The following JARID2 variants were observed in gnomAD, a reference collection of about 807,000 sequenced individuals.
The protein encoded by JARID2 is jumonji and AT-rich interaction domain containing 2.
In JARID2, 21 loss-of-function variants were observed where a neutral mutation model predicts 125.6. The ratio of observed to expected loss-of-function variants is 0.17; its 90% confidence interval spans 0.12 to 0.24. The LOEUF is 0.24. JARID2 is among the 10% of genes least tolerant of loss of function. The probability of loss-of-function intolerance (pLI) is 1.00; values close to 1 mark genes in which losing one functional copy is unlikely to be tolerated. For missense variants in JARID2, 1,303 were observed against 1,639.6 expected (o/e 0.79, Z 3.55); for synonymous variants, 736 against 661.6 (o/e 1.11, Z -1.73).
intron 1 of JARID2, among the ~76,000 whole-genome samples, chr6:15,341,008 T>C (rs1763053271): frequency 6.6e-6 from 1 of 152,302 alleles, no homozygotes; most frequent in East Asian, 1.9e-4. Context: ...AGGACAGTTA[T>C]CTCTTTTAAA....
chr6:15,470,915 A>C (rs1769046108), intron 5 of JARID2, among the ~76,000 whole-genome samples: 1 of 152,232 alleles, frequency 6.6e-6, no homozygotes, highest in African/African-American at 2.4e-5. Context: ...GGGCACGAGA[A>C]AGAATTCTAA....
chr6:15,322,247 G>GT (rs1417366050), intron 1 of JARID2, among the ~76,000 whole-genome samples: 1 of 152,214 alleles, frequency 6.6e-6, no homozygotes, highest in Non-Finnish European at 1.5e-5. Flanking sequence ...TCAAGGAGCA[G>GT]TAAGAGTGAG....
At chr6:15,494,433 T>TTTTTTTG (rs1554144113) in intron 6 of JARID2, among the ~76,000 whole-genome samples, 1 of 147,398 alleles carries the variant, frequency 6.8e-6, no homozygotes, top group African/African-American at 2.5e-5. Flanking sequence ...TTTTTTTTTT[T>TTTTTTTG]GAGACAAGAG....
chr6:15,470,430 CTT>C (rs2127682121), intron 5 of JARID2, among the ~76,000 whole-genome samples: 1 of 152,308 alleles, frequency 6.6e-6, no homozygotes, highest in Admixed American at 6.5e-5. Context: ...TACCATTTGC[CTT>C]TCTGGATTCA....
At chr6:15,381,607 A>T (rs1764591629) in intron 2 of JARID2, among the ~76,000 whole-genome samples, 1 of 152,218 alleles carries the variant, frequency 6.6e-6, no homozygotes, top group Admixed American at 6.5e-5. Flanking sequence ...TTTACAAAGG[A>T]AGCTACATTT....
At chr6:15,448,980 A>C (rs536569540) in intron 3 of JARID2, among the ~76,000 whole-genome samples, 1 of 152,086 alleles carries the variant, frequency 6.6e-6, no homozygotes, top group Non-Finnish European at 1.5e-5. Flanking sequence ...TAAAAAAAAA[A>C]AGACATTTGT....
rs975207322 is a variant in JARID2, at chr6:15,372,495, G to T, written c.46-1622G>T. Among the ~76,000 whole-genome samples, 6 of 152,094 alleles carry T rather than the reference G, an allele frequency of 3.9e-5. No individual in the cohort carries two copies. The East Asian group carries it at 1.2e-3, about 29-fold the overall frequency. Reference sequence around the variant, plus strand: ...ATGCCTCAGCCTCCCCAGTAGCTGGGACTACAGGCGTGCACCACCACGCTC... The same window carrying T: ...ATGCCTCAGCCTCCCCAGTAGCTGGTACTACAGGCGTGCACCACCACGCTC... On this transcript the variant is annotated intron_variant, in intron 1 of 17. Transcript: ENST00000341776.
At chr6:15,293,578 TC>T (rs1362019711) in intron 1 of JARID2, among the ~76,000 whole-genome samples, 1 of 152,232 alleles carries the variant, frequency 6.6e-6, no homozygotes, top group Non-Finnish European at 1.5e-5. Context: ...AGAAGGTTGT[TC>T]CTAGCCAGGG....
At chr6:15,337,717 T>G (rs1052291267) in intron 1 of JARID2, among the ~76,000 whole-genome samples, 2 of 152,134 alleles carry the variant, frequency 1.3e-5, no homozygotes, top group African/African-American at 4.8e-5. Context: ...CTCTCTTTTT[T>G]TCCTTTTCTG....
intron 1 of JARID2, among the ~76,000 whole-genome samples, chr6:15,258,675 G>C (rs1356938575): frequency 6.6e-6 from 1 of 152,162 alleles, no homozygotes; most frequent in Non-Finnish European, 1.5e-5. Context: ...CCAGCTACTT[G>C]GGAGGCTGAG....
chr6:15,444,555 G>A (rs1038869951), intron 3 of JARID2, among the ~76,000 whole-genome samples: 3 of 151,980 alleles, frequency 2.0e-5, no homozygotes, highest in South Asian at 2.1e-4. Context: ...GGTTTGTAGT[G>A]TGTGTGTCTG....
At chr6:15,357,690 T>A (rs1188830985) in intron 1 of JARID2, among the ~76,000 whole-genome samples, 1 of 152,144 alleles carries the variant, frequency 6.6e-6, no homozygotes, top group Non-Finnish European at 1.5e-5. Flanking sequence ...AAATAAGAAA[T>A]CTTTTCTCAA....
At position 15,504,644 on chromosome 6, in the gene JARID2, C is replaced by T. The variant is rs56186721; in HGVS notation, c.2541+52C>T. 0.036 allele frequency: 44,078 copies of T among 1,215,902 alleles called. 1,027 individuals are homozygous for T. Among genetic ancestry groups the T allele is most frequent in the South Asian group, 0.05 (4,141 of 82,600 alleles). 75.3% of individuals were successfully genotyped at this position (1,215,902 alleles called of 1,614,324 possible). A position where few individuals can be genotyped will look rare whatever the true frequency, so the allele number is the denominator to read the frequency against. On this transcript the variant is annotated intron_variant, in intron 9 of 17. Coordinates refer to ENST00000341776, the MANE Select transcript of JARID2 (RefSeq NM_004973.4). ...CTCTCATGGTGTGGGAACCCCTCGG[C>T]GAGCTGGAGGACATCCTGTCCTGCC...
intron 1 of JARID2, among the ~76,000 whole-genome samples, chr6:15,365,541 C>G (rs978205578): frequency 6.6e-6 from 1 of 152,026 alleles, no homozygotes; most frequent in Admixed American, 6.6e-5. Context: ...CAGTTGGTGG[C>G]CGGAGATTCA....
intron 2 of JARID2, among the ~76,000 whole-genome samples, chr6:15,394,738 C>G (rs531620929): frequency 6.6e-6 from 1 of 152,156 alleles, no homozygotes; most frequent in South Asian, 2.1e-4. Context: ...GCTCTCTAGG[C>G]AGAGGAGAGA....
At chr6:15,384,216 A>G (rs1400826928) in intron 2 of JARID2, among the ~76,000 whole-genome samples, 2 of 152,142 alleles carry the variant, frequency 1.3e-5, no homozygotes, top group African/African-American at 4.8e-5. Flanking sequence ...CCTCCTGAGT[A>G]GCTTGGACCA....
intron 1 of JARID2, among the ~76,000 whole-genome samples, chr6:15,285,167 A>G (rs2127385418): frequency 1.4e-5 from 2 of 144,962 alleles, no homozygotes; most frequent in African/African-American, 2.7e-5. Flanking sequence ...CTGGAGTGCA[A>G]TGGCACGATC....
Position 15,246,311 on chromosome 6 carries a change from AT to A in JARID2, c.-220del, listed in dbSNP as rs559762350. On this transcript the variant is annotated 5_prime_UTR_variant, in exon 1 of 18. Coordinates refer to ENST00000341776, the MANE Select transcript of JARID2 (RefSeq NM_004973.4). ...CATTATGAGTGTTTTACTAAAGTGAATTTTTTTTTGTTTGCTTCGTTCGTCT... is the reference window on the plus strand; with the variant it reads ...CATTATGAGTGTTTTACTAAAGTGAATTTTTTTTGTTTGCTTCGTTCGTCT... 5,105 of 563,254 alleles carry A rather than the reference AT, an allele frequency of 9.1e-3. 34 individuals carry two copies. Among genetic ancestry groups the A allele is most frequent in the Non-Finnish European group, 0.012 (3,719 of 320,488 alleles). 34.9% of individuals were successfully genotyped at this position (563,254 alleles called of 1,614,324 possible).
chr6:15,338,040 A>G (rs915118535), intron 1 of JARID2, among the ~76,000 whole-genome samples: 6 of 152,216 alleles, frequency 3.9e-5, no homozygotes, highest in South Asian at 2.1e-4. Flanking sequence ...AAACAGGCCC[A>G]GGGAACTCAG....
Sources: allele counts gnomAD v4.1 joint callset (sites outside exome capture counted in the v4.1 genomes callset), GRCh38; gene constraint gnomAD v4.1.1; transcripts MANE v1.5; gene names NCBI Gene and HGNC (gene_info 2026-07-23, HGNC 2026-07-21).